The following CPVL variants were observed in gnomAD, a reference collection of about 807,000 sequenced individuals.
CPVL encodes carboxypeptidase vitellogenic like.
A neutral mutation model predicts 63.7 loss-of-function variants in CPVL; 51 were observed. That is an observed-to-expected ratio of 0.80 (90% CI 0.64 to 1.01). The LOEUF is 1.01. CPVL is among the 50% of genes least tolerant of loss of function. The pLI, the probability that CPVL is intolerant of heterozygous loss-of-function variation, is 0.00. For missense variants in CPVL, 530 were observed against 573.1 expected (o/e 0.92, Z 0.77); for synonymous variants, 195 against 206.0 (o/e 0.95, Z 0.46).
chr7:29,045,446 C>G (rs1160883127), intron 11 of CPVL, among the ~76,000 whole-genome samples: 1 of 152,164 alleles, frequency 6.6e-6, no homozygotes, highest in Admixed American at 6.5e-5. Flanking sequence ...ACTATAGTTA[C>G]ATAAAATAAA....
At chr7:29,145,895 A>G (rs1290305603) in intron 1 of CPVL, 1 of 152,156 alleles carries the variant, frequency 6.6e-6, no homozygotes, top group Non-Finnish European at 1.5e-5. Context: ...GGTTTCTGCT[A>G]ATCCTACATT....
intron 1 of CPVL, chr7:29,195,070 A>C: frequency 6.9e-7 from 1 of 1,447,170 alleles, no homozygotes; most frequent in Non-Finnish European, 9.4e-7. Context: ...GGATGGACAG[A>C]GCCTACCTGT....
intron 3 of CPVL, among the ~76,000 whole-genome samples, chr7:29,103,411 A>ATTTTTTTTTTTTTTTTT (rs551627609): frequency 2.2e-5 from 3 of 134,804 alleles, no homozygotes; most frequent in African/African-American, 2.9e-5. Flanking sequence ...ATGCTCAGCT[A>ATTTTTTTTTTTTTTTTT]TTTTTTTTTT....
At chr7:29,053,786 C>A (rs1212658988) in intron 11 of CPVL, among the ~76,000 whole-genome samples, 1 of 151,352 alleles carries the variant, frequency 6.6e-6, no homozygotes, top group Non-Finnish European at 1.5e-5. Context: ...GCTGCAATGG[C>A]TCACACCTGT....
intron 12 of CPVL, among the ~76,000 whole-genome samples, chr7:28,998,717 C>T (rs142163018): frequency 3.3e-5 from 5 of 150,668 alleles, no homozygotes; most frequent in African/African-American, 1.2e-4. Flanking sequence ...TCAGGAGGAT[C>T]GCTTGATTGC....
intron 9 of CPVL, among the ~76,000 whole-genome samples, chr7:29,066,403 A>G (rs1003768260): frequency 6.6e-6 from 1 of 152,210 alleles, no homozygotes; most frequent in Admixed American, 6.5e-5. Flanking sequence ...AGACAGTGAT[A>G]AACTCTTGAG....
chr7:29,108,467 T>C (rs1278993804), intron 3 of CPVL, among the ~76,000 whole-genome samples: 2 of 152,228 alleles, frequency 1.3e-5, no homozygotes, highest in South Asian at 4.1e-4. Flanking sequence ...CCTGACCTGG[T>C]AGCAATTAAT....
chr7:29,123,628 A>AAAAAAAT (rs1562780901), intron 1 of CPVL, among the ~76,000 whole-genome samples: 2 of 41,762 alleles, frequency 4.8e-5, no homozygotes, highest in Non-Finnish European at 7.9e-5. Context: ...AAAAAAAAAA[A>AAAAAAAT]ATATATATAT....
At chr7:29,193,326 C>G (rs538504459) in intron 1 of CPVL, 5 of 152,108 alleles carry the variant, frequency 3.3e-5, no homozygotes, top group African/African-American at 1.2e-4. Context: ...ATTTAACATT[C>G]ATTATTCACT....
intron 5 of CPVL, among the ~76,000 whole-genome samples, chr7:29,154,714 G>A (rs1482860046): frequency 6.6e-6 from 1 of 151,914 alleles, no homozygotes; most frequent in African/African-American, 2.4e-5. Flanking sequence ...ACGTACCTGT[G>A]GTCCCAGCTA....
At chr7:29,078,047 A>C (rs1441821033) in intron 7 of CPVL, among the ~76,000 whole-genome samples, 1 of 152,198 alleles carries the variant, frequency 6.6e-6, no homozygotes, top group Non-Finnish European at 1.5e-5. Flanking sequence ...TAATCGCTAT[A>C]ACTTCCTAGA....
At chr7:29,071,745 A>G in intron 9 of CPVL, 28 bp downstream of exon 9, 1 of 1,579,444 alleles carries the variant, frequency 6.3e-7, no homozygotes, top group Non-Finnish European at 8.6e-7. Flanking sequence ...TAATTGCTCA[A>G]GGGCAGCACA....
chr7:29,018,377 TC>T (rs61152791), intron 12 of CPVL, among the ~76,000 whole-genome samples: 2,017 of 125,218 alleles, frequency 0.016, 52 homozygotes, highest in African/African-American at 0.071. Context: ...AAATTTTTAA[TC>T]TTTTTTTTTT....
chr7:29,130,382 T>C (rs1790561109), intron 1 of CPVL, among the ~76,000 whole-genome samples: 4 of 152,232 alleles, frequency 2.6e-5, no homozygotes, highest in Admixed American at 2.0e-4. Context: ...TTCTGTATTA[T>C]ATTAACAGAT....
chr7:29,095,168 G>C, intron 4 of CPVL, 26 bp from the exon 5 acceptor site: 1 of 1,604,018 alleles, frequency 6.2e-7, no homozygotes, highest in Non-Finnish European at 8.5e-7. Context: ...AGAGGGGTGA[G>C]ATAGAGTCGT....
intron 5 of CPVL, among the ~76,000 whole-genome samples, chr7:29,160,028 T>G (rs1053940299): frequency 6.6e-6 from 1 of 152,230 alleles, no homozygotes; most frequent in Non-Finnish European, 1.5e-5. Flanking sequence ...CACAGTGTTG[T>G]GGAGAGCCAA....
chr7:29,025,092 T>C (rs540135265), intron 12 of CPVL, among the ~76,000 whole-genome samples: 1 of 152,198 alleles, frequency 6.6e-6, no homozygotes, highest in South Asian at 2.1e-4. Context: ...TGAATGTAAA[T>C]GGATTAAATT....
At chr7:29,053,946 A>C (rs1790454318) in intron 11 of CPVL, among the ~76,000 whole-genome samples, 1 of 151,986 alleles carries the variant, frequency 6.6e-6, no homozygotes, top group African/African-American at 2.4e-5. Flanking sequence ...TAGCCAGCAC[A>C]TGCCTATAGT....
chr7:29,096,213 T>C lies in CPVL; in HGVS notation c.293A>G (p.Gln98Arg). 2 of 1,613,292 alleles carry C rather than the reference T, an allele frequency of 1.2e-6. No homozygotes were observed. The highest frequency in any genetic ancestry group is 1.7e-6 in the Non-Finnish European group (2 of 1,179,220). Reference protein sequence around the residue: ...LFFWFFPAQIQPEDAPVVLWL... With the variant: ...LFFWFFPAQIRPEDAPVVLWL... ...GAGAACTACTGGGGCATCTTCTGGC[T>C]GTATCTAGAGGAAACAGTAAAACCA... The change falls in exon 4 of 13, where the codon CAG (glutamine) becomes CGG (arginine). Residue 98 changes from glutamine (Q) to arginine (R), a missense_variant. Physicochemically the swap from Gln to Arg is conservative, Grantham distance 43. Coordinates refer to ENST00000265394, the MANE Select transcript of CPVL (RefSeq NM_031311.5).
Sources: gnomAD v4.1 joint callset for allele counts (sites outside exome capture counted in the v4.1 genomes callset) on GRCh38, gnomAD v4.1.1 for gene constraint, MANE v1.5 for transcripts, NCBI Gene and HGNC (gene_info 2026-07-23, HGNC 2026-07-21) for gene names.